Variants in PHF21A observed in about 807,000 individuals in gnomAD.
PHF21A encodes the protein PHD finger protein 21A, also known as BHC80a.
Under a neutral mutation model 82.5 loss-of-function variants are expected in PHF21A, and 11 were observed. That is an observed-to-expected ratio of 0.13 (90% CI 0.08 to 0.22). The LOEUF is 0.22. Among genes scored for constraint, PHF21A ranks in the 10% least tolerant of loss-of-function variants. The pLI is 1.00. For missense variants in PHF21A, 579 were observed against 837.8 expected, an observed-to-expected ratio of 0.69 and a Z score of 3.81; for synonymous variants, 297 against 302.8, an observed-to-expected ratio of 0.98 and a Z score of 0.20.
chr11:46,006,143 A>G (rs1455768307), intron 6 of PHF21A, among the ~76,000 whole-genome samples: 2 of 152,218 alleles, frequency 1.3e-5, no homozygotes, highest in African/African-American at 2.4e-5. Context: ...TTAACTGACA[A>G]GTAGATCACT....
chr11:45,936,125 A>G (rs1199788746), intron 17 of PHF21A, among the ~76,000 whole-genome samples: 1 of 152,058 alleles, frequency 6.6e-6, no homozygotes, highest in African/African-American at 2.4e-5. Context: ...AAAAAATACT[A>G]AAGTTAACTG....
intron 6 of PHF21A, among the ~76,000 whole-genome samples, chr11:46,022,381 G>A (rs2095649154): frequency 6.6e-6 from 1 of 152,178 alleles, no homozygotes; most frequent in East Asian, 1.9e-4. Context: ...CTTTAGCCCA[G>A]GAGATTGAGG....
intron 6 of PHF21A, among the ~76,000 whole-genome samples, chr11:46,020,604 A>G (rs2095608930): frequency 6.6e-6 from 1 of 152,128 alleles, no homozygotes; most frequent in Non-Finnish European, 1.5e-5. Flanking sequence ...CTTCGGTCCT[A>G]TTTAGCTCTA....
chr11:45,962,763 G>T (rs1243024537), intron 10 of PHF21A, among the ~76,000 whole-genome samples: 1 of 150,364 alleles, frequency 6.7e-6, no homozygotes, highest in Non-Finnish European at 1.5e-5. Context: ...CATGGTGGCA[G>T]GCGCATGTAG....
At chr11:46,033,597 A>C (rs1201447082) in intron 6 of PHF21A, among the ~76,000 whole-genome samples, 1 of 152,162 alleles carries the variant, frequency 6.6e-6, no homozygotes, top group Non-Finnish European at 1.5e-5. Context: ...GCTGCTACAA[A>C]TATTCTCATG....
chr11:46,067,314 T>C (rs1047884061), intron 6 of PHF21A, among the ~76,000 whole-genome samples: 23 of 152,036 alleles, frequency 1.5e-4, no homozygotes, highest in Admixed American at 7.9e-4. Flanking sequence ...GAGGGTAAGG[T>C]ATGTATGAGT....
chr11:45,973,817 G>A (rs969047630), intron 7 of PHF21A, among the ~76,000 whole-genome samples: 8 of 152,196 alleles, frequency 5.3e-5, no homozygotes, highest in African/African-American at 1.7e-4. Context: ...TGCTATCGTG[G>A]ATTGTGGGAG....
chr11:46,040,040 G>A (rs916781865), intron 6 of PHF21A, among the ~76,000 whole-genome samples: 5 of 152,198 alleles, frequency 3.3e-5, no homozygotes, highest in Non-Finnish European at 7.3e-5. Context: ...AACTGAAAAT[G>A]TTCCAGTAGA....
Position 45,950,375 on chromosome 11 carries a change from C to G in PHF21A, c.1096-118G>C, listed in dbSNP as rs914889701. The G allele has an allele frequency of 1.2e-5, 8 of 672,582 alleles. No homozygotes were observed. The African/African-American group carries it at 1.5e-4, about 12-fold the overall frequency. The allele number at this position is 672,582 out of a possible 1,614,324, so 41.7% of individuals were successfully genotyped here. A position where few individuals can be genotyped will look rare whatever the true frequency, so the allele number is the denominator to read the frequency against. Reference sequence around the variant, plus strand: ...CCAATGGGCGGGTCTCATGAATGCACAAGAGCAGGCATTCTCTAAGCAGCC... The same window carrying G: ...CCAATGGGCGGGTCTCATGAATGCAGAAGAGCAGGCATTCTCTAAGCAGCC... On this transcript the variant is annotated intron_variant, in intron 11 of 18. Transcript: ENST00000676320.
intron 10 of PHF21A, among the ~76,000 whole-genome samples, chr11:45,964,864 C>A (rs1020571031): frequency 1.3e-5 from 2 of 152,060 alleles, no homozygotes; most frequent in African/African-American, 4.8e-5. Context: ...TGTTTGGCTC[C>A]CCATTATCTG....
At chr11:46,045,352 T>A (rs1341641870) in intron 6 of PHF21A, among the ~76,000 whole-genome samples, 1 of 152,218 alleles carries the variant, frequency 6.6e-6, no homozygotes, top group African/African-American at 2.4e-5. Context: ...GCTGAAAATA[T>A]ACTTCCTGGC....
chr11:45,980,398 C>G (rs2094227903), intron 6 of PHF21A, among the ~76,000 whole-genome samples: 1 of 152,176 alleles, frequency 6.6e-6, no homozygotes, highest in Non-Finnish European at 1.5e-5. Context: ...CTGTCTTGCT[C>G]TTTAAAATGA....
At chr11:45,972,573 T>A (rs967104014) in intron 7 of PHF21A, among the ~76,000 whole-genome samples, 1 of 152,104 alleles carries the variant, frequency 6.6e-6, no homozygotes, top group Non-Finnish European at 1.5e-5. Context: ...AGGTCAGGAG[T>A]TCGAGACTAG....
chr11:46,044,903 T>C (rs1424661716), intron 6 of PHF21A, among the ~76,000 whole-genome samples: 2 of 152,188 alleles, frequency 1.3e-5, no homozygotes, highest in African/African-American at 4.8e-5. Flanking sequence ...AAGTATTCCA[T>C]TCAAAAGATA....
chr11:45,971,360 A>G lies in PHF21A; in HGVS notation c.368T>C (p.Val123Ala). The change falls in exon 8 of 19, where the codon GTA (valine) becomes GCA (alanine). Residue 123 changes from valine (V) to alanine (A), a missense_variant. Transcript: ENST00000676320. ...SPNLTASQKT[V>A]TTASMITTKT... ...TGTGGTAATCATAGAAGCTGTAGTT[A>G]CAGTCTTCTAGGAGACAGGGAAAAC... is the stretch of plus-strand genomic sequence containing the variant. The G allele has an allele frequency of 6.2e-7, 1 of 1,613,892 alleles. No homozygotes were observed. The highest frequency in any genetic ancestry group is 8.5e-7 in the Non-Finnish European group (1 of 1,179,814).
In PHF21A at chr11:45,946,015, GAGAAGGGAAC is replaced by G. The variant is rs781656462; in HGVS notation, c.1289-22_1289-13del. ...TTTTGGAGGACGACCTATATACCAA[GAGAAGGGAAC>G]AAAAGGGAAAAACGGGGAGGGAAAG... On this transcript the variant is annotated splice_polypyrimidine_tract_variant and intron_variant, in intron 14 of 18. Transcript: ENST00000676320. 1.9e-6 allele frequency: 3 copies of G among 1,614,032 alleles called. No homozygotes were observed. The highest frequency in any genetic ancestry group is 2.5e-6 in the Non-Finnish European group (3 of 1,179,966).
intron 6 of PHF21A, among the ~76,000 whole-genome samples, chr11:46,030,291 T>C (rs1237268291): frequency 2.0e-5 from 3 of 152,206 alleles, no homozygotes; most frequent in East Asian, 3.8e-4. Context: ...ATAAAATTAT[T>C]TTTTCTCTCC....
At chr11:46,017,084 C>T (rs887730378) in intron 6 of PHF21A, among the ~76,000 whole-genome samples, 1 of 152,088 alleles carries the variant, frequency 6.6e-6, no homozygotes, top group Non-Finnish European at 1.5e-5. Flanking sequence ...GATTCTCCTG[C>T]CTCAGCCTCC....
intron 17 of PHF21A, among the ~76,000 whole-genome samples, chr11:45,936,162 C>T (rs2088975218): frequency 6.6e-6 from 1 of 152,128 alleles, no homozygotes; most frequent in Non-Finnish European, 1.5e-5. Flanking sequence ...CCTATAGTCT[C>T]AGCTATTTGG....
Sources: gnomAD v4.1 joint callset for allele counts (sites outside exome capture counted in the v4.1 genomes callset) on GRCh38, gnomAD v4.1.1 for gene constraint, MANE v1.5 for transcripts, NCBI Gene and HGNC (gene_info 2026-07-23, HGNC 2026-07-21) for gene names.